ANOS1: variants seen among roughly 807,000 people sequenced by gnomAD.
ANOS1 encodes anosmin-1.
In ANOS1, 6 loss-of-function variants were observed where a neutral mutation model predicts 59.0. The observed-to-expected ratio is 0.10, with a 90% CI of 0.06 to 0.20. The LOEUF is 0.20. Among genes scored for constraint, ANOS1 ranks in the 10% least tolerant of loss-of-function variants. ANOS1 has a pLI of 1.00. For synonymous variants in ANOS1, 217 were observed against 223.4 expected (o/e 0.97, Z 0.25); for missense variants, 433 against 542.3 (o/e 0.80, Z 2.00).
At chrX:8,694,595 G>T (rs1223593169) in intron 2 of ANOS1, among the ~76,000 whole-genome samples, 1 of 112,324 alleles carries the variant, frequency 8.9e-6, no homozygotes, top group Admixed American at 9.4e-5. Context: ...CTTGAGCCTG[G>T]AAGGCAGAGT....
intron 6 of ANOS1, among the ~76,000 whole-genome samples, chrX:8,579,182 A>G (rs1930379833): frequency 8.9e-6 from 1 of 112,368 alleles, no homozygotes; most frequent in Non-Finnish European, 1.9e-5. Context: ...TTAAACACCA[A>G]CTTACTGAAA....
chrX:8,583,014 TGAGA>T (rs1930452046), intron 6 of ANOS1, among the ~76,000 whole-genome samples: 1 of 111,531 alleles, frequency 9.0e-6, no homozygotes, highest in Non-Finnish European at 1.9e-5. Flanking sequence ...TGGAGGCTAT[TGAGA>T]GAAAGAGTGC....
intron 6 of ANOS1, among the ~76,000 whole-genome samples, chrX:8,579,150 T>C (rs1031449560): frequency 8.9e-6 from 1 of 112,441 alleles, no homozygotes; most frequent in Non-Finnish European, 1.9e-5. Context: ...ATTTGATAAA[T>C]ATCAGCAATA....
intron 3 of ANOS1, among the ~76,000 whole-genome samples, chrX:8,619,399 A>T (rs1020108179): frequency 1.2e-3 from 130 of 111,439 alleles, no homozygotes; most frequent in Non-Finnish European, 1.5e-3. Flanking sequence ...AGGTCAGGAG[A>T]TGGAGACCAT....
chrX:8,662,290 C>T (rs1353287350), intron 2 of ANOS1, among the ~76,000 whole-genome samples: 3 of 111,968 alleles, frequency 2.7e-5, no homozygotes, highest in Non-Finnish European at 3.8e-5. Context: ...GGGGCCCAAC[C>T]TTGGTTTAAT....
chrX:8,652,978 C>A (rs755489609), intron 2 of ANOS1, among the ~76,000 whole-genome samples: 3 of 110,871 alleles, frequency 2.7e-5, no homozygotes, highest in Admixed American at 9.6e-5. Flanking sequence ...GCCTCAGCCT[C>A]CCGAGTAGCT....
At chrX:8,548,901 A>G (rs1427337363) in intron 9 of ANOS1, among the ~76,000 whole-genome samples, 3 of 111,984 alleles carry the variant, frequency 2.7e-5, no homozygotes, top group Non-Finnish European at 5.6e-5. Context: ...CAGTTTGAAC[A>G]CTAACTGACT....
intron 3 of ANOS1, among the ~76,000 whole-genome samples, chrX:8,602,187 ATTTG>A (rs1404690979): frequency 8.9e-6 from 1 of 112,176 alleles, no homozygotes; most frequent in African/African-American, 3.2e-5. Flanking sequence ...AAAAAATATT[ATTTG>A]TTTGAATATA....
At chrX:8,639,245 A>G (rs1428233531) in intron 2 of ANOS1, among the ~76,000 whole-genome samples, 1 of 111,599 alleles carries the variant, frequency 9.0e-6, no homozygotes, top group Non-Finnish European at 1.9e-5. Flanking sequence ...TCACTCACAC[A>G]TGAAATCATT....
Position 8,687,460 on chromosome X carries a change from T to TA in ANOS1, c.255+12237dup, listed in dbSNP as rs369701711. Among the ~76,000 whole-genome samples, 670 of 103,133 alleles carry TA rather than the reference T, an allele frequency of 6.5e-3. 3 individuals are homozygous for TA. The highest frequency in any genetic ancestry group is 0.02 in the African/African-American group (582 of 28,404). The allele number at this position is 103,133 out of a possible 115,157, so 89.6% of individuals were successfully genotyped here. On this transcript the variant is annotated intron_variant, in intron 2 of 13. Coordinates refer to ENST00000262648, the MANE Select transcript of ANOS1 (RefSeq NM_000216.4). ...AATAAATAAATAAATACATAAATAT[T>TA]AAAAAAAAAAGCAACCCACTTCCTG...
At chrX:8,666,890 G>A (rs1932148839) in intron 2 of ANOS1, among the ~76,000 whole-genome samples, 1 of 111,106 alleles carries the variant, frequency 9.0e-6, no homozygotes, top group African/African-American at 3.3e-5. Context: ...ATGAGGTTGA[G>A]GGGGGCCCAG....
At chrX:8,602,727 T>C (rs1309189472) in intron 3 of ANOS1, among the ~76,000 whole-genome samples, 1 of 110,578 alleles carries the variant, frequency 9.0e-6, no homozygotes, top group African/African-American at 3.3e-5. Flanking sequence ...AATGTCACTC[T>C]CAAATTATTA....
chrX:8,705,619 T>A (rs749774332), intron 1 of ANOS1, among the ~76,000 whole-genome samples: 2 of 111,714 alleles, frequency 1.8e-5, no homozygotes, highest in Non-Finnish European at 3.8e-5. Context: ...CCACCTATGT[T>A]GCTTACATAT....
Position 8,530,600 on chromosome X carries a change from C to T in ANOS1, c.*2395G>A, listed in dbSNP as rs1929481909. On this transcript the variant is annotated 3_prime_UTR_variant, in exon 14 of 14. Transcript: ENST00000262648. ...TATTAAAATTAGAAGCCCATAAGAG[C>T]TGCTTTAGATTTTTTTAAGGGAGAT... 1 of 110,011 alleles carries T rather than the reference C, an allele frequency of 9.1e-6. No homozygotes were observed. 9.1% of individuals were successfully genotyped at this position (110,011 alleles called of 1,213,427 possible).
chrX:8,667,282 TTTTGTTTG>T (rs778918851), intron 2 of ANOS1, among the ~76,000 whole-genome samples: 5 of 110,233 alleles, frequency 4.5e-5, no homozygotes, highest in Non-Finnish European at 7.6e-5. Flanking sequence ...TCCATAAAGC[TTTTGTTTG>T]TTTGTTTGTT....
intron 1 of ANOS1, among the ~76,000 whole-genome samples, chrX:8,724,512 A>G (rs1413410063): frequency 8.9e-6 from 1 of 112,292 alleles, no homozygotes; most frequent in Non-Finnish European, 1.9e-5. Context: ...CAGGGGGCTG[A>G]CCTCCTATAT....
chrX:8,683,549 G>A (rs1462682116), intron 2 of ANOS1, among the ~76,000 whole-genome samples: 1 of 111,448 alleles, frequency 9.0e-6, no homozygotes, highest in African/African-American at 3.3e-5. Context: ...GTTGAATCTA[G>A]AAGGACAGGA....
At chrX:8,602,384 C>T (rs1930859533) in intron 3 of ANOS1, among the ~76,000 whole-genome samples, 1 of 111,446 alleles carries the variant, frequency 9.0e-6, no homozygotes, top group African/African-American at 3.3e-5. Flanking sequence ...AGTAGGAAAT[C>T]CTGTGAACAA....
chrX:8,599,234 C>G (rs1256678851), intron 3 of ANOS1, among the ~76,000 whole-genome samples: 1 of 112,202 alleles, frequency 8.9e-6, no homozygotes, highest in Admixed American at 9.4e-5. Context: ...TGCCATGGTT[C>G]CTCAACGTTG....
Sources: gnomAD v4.1 joint callset for allele counts (sites outside exome capture counted in the v4.1 genomes callset) on GRCh38, gnomAD v4.1.1 for gene constraint, MANE v1.5 for transcripts, NCBI Gene and HGNC (gene_info 2026-07-23, HGNC 2026-07-21) for gene names.